The following ZFHX3 variants were observed in gnomAD, a reference collection of about 807,000 sequenced individuals.
ZFHX3 encodes the protein zinc finger homeobox protein 3.
ZFHX3 carries 42 observed loss-of-function variants against 279.1 expected under a neutral mutation model. That is an observed-to-expected ratio of 0.15 (90% CI 0.12 to 0.19). ZFHX3 has a LOEUF of 0.19. ZFHX3 is among the 10% of genes least tolerant of loss of function. ZFHX3 has a pLI of 1.00. For missense variants in ZFHX3, 4,981 were observed against 4,754.0 expected (o/e 1.05, Z -1.40); for synonymous variants, 2,293 against 1,957.8 (o/e 1.17, Z -4.52).
intron 3 of ZFHX3, among the ~76,000 whole-genome samples, chr16:73,407,235 A>C (rs903150090): frequency 2.6e-5 from 4 of 152,184 alleles, no homozygotes; most frequent in Non-Finnish European, 5.9e-5. Flanking sequence ...CAGAGGTTAG[A>C]AGCCTTGTTC....
chr16:73,406,502 A>T lies in ZFHX3; in HGVS notation c.-1291+49501T>A, dbSNP rs78752607. Among the ~76,000 whole-genome samples, 3 of 152,298 alleles carry T rather than the reference A, an allele frequency of 2.0e-5. No homozygotes were observed. The East Asian group carries it at 5.8e-4, about 29-fold the overall frequency. On this transcript the variant is annotated intron_variant, in intron 3 of 17. Transcript: ENST00000641206. ...TTAGTAAGTTTCATCCTAAAGACAT[A>T]CCCATTTTGGCAGATACTGACAGCT...
At chr16:73,322,180 G>A (rs1318723220) in intron 3 of ZFHX3, among the ~76,000 whole-genome samples, 1 of 152,178 alleles carries the variant, frequency 6.6e-6, no homozygotes, top group Non-Finnish European at 1.5e-5. Context: ...CCACCAGCCT[G>A]GTCTGCATAA....
chr16:73,682,947 A>C (rs1365814508), intron 1 of ZFHX3, among the ~76,000 whole-genome samples: 2 of 22,504 alleles, frequency 8.9e-5, no homozygotes, highest in Admixed American at 1.3e-3. Flanking sequence ...AGAAAGAAAG[A>C]AAGAAAGAAA....
chr16:73,275,139 G>C (rs1267800190), intron 4 of ZFHX3, among the ~76,000 whole-genome samples: 1 of 152,194 alleles, frequency 6.6e-6, no homozygotes, highest in African/African-American at 2.4e-5. Context: ...TCGGGACAGA[G>C]AGTCTAGAGG....
chr16:73,336,008 C>T (rs1367252122), intron 3 of ZFHX3, among the ~76,000 whole-genome samples: 5 of 152,168 alleles, frequency 3.3e-5, no homozygotes, highest in East Asian at 3.9e-4. Flanking sequence ...TCTAGCCATT[C>T]GCAGCAGTGC....
chr16:72,968,763 T>A (rs1347813595), intron 1 of ZFHX3, among the ~76,000 whole-genome samples: 2 of 152,166 alleles, frequency 1.3e-5, no homozygotes, highest in African/African-American at 2.4e-5. Context: ...GTGCCCAGCC[T>A]CATTTCCTAA....
chr16:73,046,984 G>A (rs1226621340), intron 1 of ZFHX3, among the ~76,000 whole-genome samples: 3 of 152,158 alleles, frequency 2.0e-5, no homozygotes, highest in African/African-American at 7.2e-5. Context: ...ACTGTGCCAC[G>A]CAATTCCCTC....
chr16:72,800,835 A>G (rs947421909), intron 7 of ZFHX3, among the ~76,000 whole-genome samples: 1 of 152,148 alleles, frequency 6.6e-6, no homozygotes, highest in African/African-American at 2.4e-5. Context: ...CCAGCGATAG[A>G]GGGTGGCCTG....
At chr16:73,763,406 G>A (rs989663312) in intron 1 of ZFHX3, among the ~76,000 whole-genome samples, 1 of 152,166 alleles carries the variant, frequency 6.6e-6, no homozygotes, top group Non-Finnish European at 1.5e-5. Context: ...TTATCTGCAT[G>A]AACCCATTTA....
chr16:72,980,459 G>A (rs1409698194), intron 1 of ZFHX3, among the ~76,000 whole-genome samples: 2 of 152,130 alleles, frequency 1.3e-5, no homozygotes, highest in Non-Finnish European at 2.9e-5. Context: ...ATTAGATCAT[G>A]TTAATAATGT....
intron 5 of ZFHX3, among the ~76,000 whole-genome samples, chr16:73,253,836 GGA>G (rs1187935906): frequency 6.6e-6 from 1 of 152,110 alleles, no homozygotes; most frequent in South Asian, 2.1e-4. Flanking sequence ...CTCTGGTTTG[GGA>G]GATTGATTAT....
intron 3 of ZFHX3, among the ~76,000 whole-genome samples, chr16:73,440,113 G>A (rs76336676): frequency 0.04 from 6,078 of 152,112 alleles, 186 homozygotes; most frequent in East Asian, 0.18. Flanking sequence ...TAACCACAGA[G>A]TATTTACTGA....
intron 2 of ZFHX3, among the ~76,000 whole-genome samples, chr16:73,466,502 C>A (rs2018573007): frequency 6.6e-6 from 1 of 152,098 alleles, no homozygotes; most frequent in African/African-American, 2.4e-5. Flanking sequence ...TCACCATCAC[C>A]ACCAAAACCC....
At chr16:73,857,595 G>T (rs1423330783) in intron 1 of ZFHX3, among the ~76,000 whole-genome samples, 1 of 152,140 alleles carries the variant, frequency 6.6e-6, no homozygotes, top group Non-Finnish European at 1.5e-5. Flanking sequence ...TGAAACGTGG[G>T]ATACGTGTTC....
intron 3 of ZFHX3, among the ~76,000 whole-genome samples, chr16:72,933,808 A>ACTTT: frequency 4.6e-5 from 6 of 130,168 alleles, no homozygotes; most frequent in African/African-American, 1.6e-4. Context: ...TTAGCTCACA[A>ACTTT]CTTTCTTTTT....
At chr16:73,291,266 C>T (rs2014761871) in intron 4 of ZFHX3, among the ~76,000 whole-genome samples, 1 of 152,194 alleles carries the variant, frequency 6.6e-6, no homozygotes, top group African/African-American at 2.4e-5. Flanking sequence ...TTCATCCCCA[C>T]TGATGTCTCT....
At chr16:73,555,727 C>T (rs75421940) in intron 2 of ZFHX3, among the ~76,000 whole-genome samples, 8,244 of 151,376 alleles carry the variant, frequency 0.054, 783 homozygotes, top group African/African-American at 0.19. Context: ...AGCTACTGAG[C>T]AGGCTGAGGC....
Position 73,160,529 on chromosome 16 carries a change from CCA to C in ZFHX3, c.-1103-16700_-1103-16699del, listed in dbSNP as rs1183493832. ...TTCTGTCCCCTTTTTTTTTCCTACCCCACAGTCACGTTTTCTAAACTCTGAGC... is the reference window on the plus strand; with the variant it reads ...TTCTGTCCCCTTTTTTTTTCCTACCCCAGTCACGTTTTCTAAACTCTGAGC... On this transcript the variant is annotated intron_variant, in intron 5 of 17. Coordinates refer to the ZFHX3 transcript ENST00000641206. Among the ~76,000 whole-genome samples, 4 of 152,148 alleles carry C rather than the reference CCA, an allele frequency of 2.6e-5. No homozygotes were observed. In the South Asian group the frequency reaches 8.3e-4, roughly 32 times the overall value.
rs1006878020 is a variant in ZFHX3 at position 72,956,515 on chromosome 16, T to C, written c.2719+912A>G. On this transcript the variant is annotated intron_variant, in intron 2 of 9. Coordinates refer to ENST00000268489, the MANE Select transcript of ZFHX3 (RefSeq NM_006885.4). ...TCCTCAAAGTGGCTGTGGTTCGTTC[T>C]ACGTAAAAACTCAAAGTTTTTAGCA... is the stretch of plus-strand genomic sequence containing the variant. Among the ~76,000 whole-genome samples the C allele has an allele frequency of 2.0e-5, 3 of 152,180 alleles. No individual in the cohort carries two copies. In the East Asian group the frequency reaches 5.8e-4, roughly 29 times the overall value.
Sources: gnomAD v4.1 joint callset for allele counts (sites outside exome capture counted in the v4.1 genomes callset) on GRCh38, gnomAD v4.1.1 for gene constraint, MANE v1.5 for transcripts, NCBI Gene and HGNC (gene_info 2026-07-23, HGNC 2026-07-21) for gene names.